Variants in CNTNAP5 observed in about 807,000 individuals in gnomAD.
CNTNAP5 encodes contactin associated protein family member 5.
A neutral mutation model predicts 150.2 loss-of-function variants in CNTNAP5; 72 were observed. The observed-to-expected ratio is 0.48, with a 90% CI of 0.40 to 0.58. The LOEUF (loss-of-function observed/expected upper bound fraction) is 0.58. Among genes scored for constraint, CNTNAP5 ranks in the 20% least tolerant of loss-of-function variants. The pLI is 0.00. For missense variants in CNTNAP5, 1,636 were observed against 1,626.2 expected (o/e 1.01, Z -0.10); for synonymous variants, 672 against 619.8 (o/e 1.08, Z -1.25).
chr2:124,030,241 A>G (rs554339348), intron 1 of CNTNAP5, among the ~76,000 whole-genome samples: 2 of 152,162 alleles, frequency 1.3e-5, no homozygotes, highest in Non-Finnish European at 2.9e-5. Context: ...ATTGTAAAGC[A>G]ATTATAATTA....
chr2:124,767,082 G>A (rs1346624483), intron 16 of CNTNAP5, among the ~76,000 whole-genome samples: 1 of 152,144 alleles, frequency 6.6e-6, no homozygotes, highest in African/African-American at 2.4e-5. Context: ...TTAGGCAGAT[G>A]GAATTTTTAC....
intron 11 of CNTNAP5, among the ~76,000 whole-genome samples, chr2:124,575,716 G>A (rs1299146862): frequency 1.3e-5 from 2 of 152,146 alleles, no homozygotes; most frequent in African/African-American, 4.8e-5. Context: ...AGCTCCTTGA[G>A]GTCATGCACT....
intron 1 of CNTNAP5, among the ~76,000 whole-genome samples, chr2:124,057,659 C>G (rs1159444714): frequency 6.6e-6 from 1 of 151,702 alleles, no homozygotes; most frequent in Admixed American, 6.6e-5. Flanking sequence ...TAGTGAGGAG[C>G]CACTGTGCCT....
At chr2:124,205,376 C>A (rs544170851) in intron 1 of CNTNAP5, among the ~76,000 whole-genome samples, 29 of 152,098 alleles carry the variant, frequency 1.9e-4, no homozygotes, top group African/African-American at 6.7e-4. Context: ...GAGGCCTCCC[C>A]AGCAATGTGG....
At chr2:124,904,032 G>A (rs1010313737) in intron 22 of CNTNAP5, among the ~76,000 whole-genome samples, 1 of 123,252 alleles carries the variant, frequency 8.1e-6, no homozygotes, top group African/African-American at 3.2e-5. Context: ...CCAGCCTGGG[G>A]TATAGAGTGA....
chr2:124,780,072 G>A (rs1370095901), intron 17 of CNTNAP5, among the ~76,000 whole-genome samples: 1 of 152,146 alleles, frequency 6.6e-6, no homozygotes, highest in African/African-American at 2.4e-5. Flanking sequence ...TTCCACTAGT[G>A]GCTTTATGGT....
intron 10 of CNTNAP5, among the ~76,000 whole-genome samples, chr2:124,558,440 A>G (rs925256790): frequency 8.2e-4 from 2 of 2,438 alleles, no homozygotes; most frequent in East Asian, 0.029. Flanking sequence ...AGTAATATCT[A>G]TTAGACACCC....
intron 3 of CNTNAP5, among the ~76,000 whole-genome samples, chr2:124,306,890 G>C (rs1320411017): frequency 6.6e-6 from 1 of 151,708 alleles, no homozygotes; most frequent in Non-Finnish European, 1.5e-5. Context: ...ACCACGCCTG[G>C]CTAATTTTTG....
At chr2:124,057,134 CG>C (rs1681872261) in intron 1 of CNTNAP5, among the ~76,000 whole-genome samples, 1 of 152,074 alleles carries the variant, frequency 6.6e-6, no homozygotes. Context: ...ATGGAATGCC[CG>C]TTTTGGGCTC....
chr2:124,677,615 A>ACCTGGAAGGCGGAGGTTG (rs1558731979), intron 13 of CNTNAP5, among the ~76,000 whole-genome samples: 1 of 151,898 alleles, frequency 6.6e-6, no homozygotes, highest in Admixed American at 6.6e-5. Flanking sequence ...TGACTGGTGC[A>ACCTGGAAGGCGGAGGTTG]TTTACAATCC....
chr2:124,830,327 T>C (rs1682686602), intron 19 of CNTNAP5, among the ~76,000 whole-genome samples: 1 of 152,090 alleles, frequency 6.6e-6, no homozygotes, highest in African/African-American at 2.4e-5. Flanking sequence ...AAGCTCAGTT[T>C]TCCTAGTTAA....
chr2:124,883,026 G>A (rs879015361), intron 21 of CNTNAP5, among the ~76,000 whole-genome samples: 1 of 151,456 alleles, frequency 6.6e-6, no homozygotes, highest in Admixed American at 6.6e-5. Context: ...ATGAGGTTTG[G>A]TTGGGGACGG....
At chr2:124,184,675 T>C (rs1685290482) in intron 1 of CNTNAP5, among the ~76,000 whole-genome samples, 1 of 152,166 alleles carries the variant, frequency 6.6e-6, no homozygotes, top group Non-Finnish European at 1.5e-5. Context: ...GCATTGCTAT[T>C]TATTACATTG....
At position 124,101,496 on chromosome 2, in the gene CNTNAP5, G is replaced by A. The variant is rs1458321649; in HGVS notation, c.82+75764G>A. ...TCCTAGGCAAGAGTAGGGAAGGGAC[G>A]GTGCAACCAGACAAGGCAGGCATAT... On this transcript the variant is annotated intron_variant, in intron 1 of 23. Coordinates refer to ENST00000682447, the MANE Select transcript of CNTNAP5 (RefSeq NM_001367498.1). Among the ~76,000 whole-genome samples the A allele has an allele frequency of 2.6e-5, 4 of 152,228 alleles. No homozygotes were observed. In the South Asian group the frequency reaches 8.3e-4, roughly 32 times the overall value.
At chr2:124,805,365 G>A (rs908291362) in intron 19 of CNTNAP5, among the ~76,000 whole-genome samples, 1 of 152,114 alleles carries the variant, frequency 6.6e-6, no homozygotes, top group Non-Finnish European at 1.5e-5. Context: ...ACAGAGTTAT[G>A]TGTAGAACTA....
At chr2:124,433,459 A>G (rs1487860778) in intron 4 of CNTNAP5, among the ~76,000 whole-genome samples, 2 of 151,906 alleles carry the variant, frequency 1.3e-5, no homozygotes, top group Non-Finnish European at 2.9e-5. Context: ...GATCCTTGGA[A>G]AAAAAATTAT....
chr2:124,706,884 AGAG>A (rs1573560985), intron 13 of CNTNAP5, among the ~76,000 whole-genome samples: 2 of 111,724 alleles, frequency 1.8e-5, no homozygotes, highest in African/African-American at 3.7e-5. Flanking sequence ...GGGAAGAAGA[AGAG>A]GAAGAGGAAG....
intron 13 of CNTNAP5, among the ~76,000 whole-genome samples, chr2:124,717,117 T>G (rs1166663121): frequency 2.0e-5 from 3 of 152,222 alleles, no homozygotes; most frequent in Non-Finnish European, 4.4e-5. Context: ...TTAACTGTGA[T>G]AGCAAATGAT....
chr2:124,359,593 G>A (rs1320427824), intron 3 of CNTNAP5, among the ~76,000 whole-genome samples: 1 of 137,768 alleles, frequency 7.3e-6, no homozygotes, highest in Non-Finnish European at 1.6e-5. Context: ...AGGTTGTTCA[G>A]TTTCCATGTA....
Sources: allele counts gnomAD v4.1 joint callset (sites outside exome capture counted in the v4.1 genomes callset), GRCh38; gene constraint gnomAD v4.1.1; transcripts MANE v1.5; gene names NCBI Gene and HGNC (gene_info 2026-07-23, HGNC 2026-07-21).